FLYWCH1: variants seen among roughly 807,000 people sequenced by gnomAD.
FLYWCH1 encodes the protein FLYWCH-type zinc finger-containing protein 1.
FLYWCH1 carries 75 observed loss-of-function variants against 66.4 expected under a neutral mutation model. The ratio of observed to expected loss-of-function variants is 1.13; its 90% CI spans 0.94 to 1.37. The LOEUF (loss-of-function observed/expected upper bound fraction) is 1.37, where lower values mean the gene tolerates loss of function less well. Among genes scored for constraint, FLYWCH1 ranks in the 40% most tolerant of loss-of-function variants. The pLI is 0.00. For missense variants in FLYWCH1, 1,334 were observed against 1,001.8 expected, an observed-to-expected ratio of 1.33 and a Z score of -4.48; for synonymous variants, 595 against 429.9, an observed-to-expected ratio of 1.38 and a Z score of -4.75.
chr16:2,932,024 A>C (rs2070778062), intron 4 of FLYWCH1, among the ~76,000 whole-genome samples: 1 of 151,780 alleles, frequency 6.6e-6, no homozygotes, highest in African/African-American at 2.4e-5. Context: ...AGGCTGAGGC[A>C]GGAGAATGGC....
Position 2,944,729 on chromosome 16 carries a change from G to A in FLYWCH1, c.2112-3959G>A, listed in dbSNP as rs145204455. ...TCCCAGCTACTTGGGAGGCTGAGGC[G>A]TGAGAATCGCTTAACCTGGGAGGTG... On this transcript the variant is annotated intron_variant, in intron 9 of 9. Coordinates refer to ENST00000253928, the MANE Select transcript of FLYWCH1 (RefSeq NM_001308068.2). 7.1e-3 allele frequency among the ~76,000 whole-genome samples: 1,081 copies of A among 151,390 alleles called. 10 individuals carry two copies. Among genetic ancestry groups the A allele is most frequent in the African/African-American group, 0.024 (994 of 41,228 alleles).
At chr16:2,945,975 C>A (rs1015572328) in intron 9 of FLYWCH1, among the ~76,000 whole-genome samples, 1 of 151,652 alleles carries the variant, frequency 6.6e-6, no homozygotes, top group Non-Finnish European at 1.5e-5. Flanking sequence ...CCAGCCTGGG[C>A]AACAGAGCGA....
chr16:2,920,697 A>C (rs2070339519), intron 2 of FLYWCH1, among the ~76,000 whole-genome samples: 1 of 151,588 alleles, frequency 6.6e-6, no homozygotes, highest in African/African-American at 2.4e-5. Flanking sequence ...ATATGCCACC[A>C]TGCCTGGCTA....
At chr16:2,920,395 A>G (rs1167893429) in intron 2 of FLYWCH1, among the ~76,000 whole-genome samples, 2 of 151,960 alleles carry the variant, frequency 1.3e-5, no homozygotes, top group African/African-American at 4.8e-5. Context: ...GGTGCCTATA[A>G]TCCCAGCTAC....
intron 2 of FLYWCH1, among the ~76,000 whole-genome samples, chr16:2,914,539 A>G: frequency 6.6e-6 from 1 of 152,168 alleles, no homozygotes; most frequent in Non-Finnish European, 1.5e-5. Flanking sequence ...GTGATGCACC[A>G]TGAACTGAGA....
chr16:2,940,778 C>T (rs2071227371), intron 9 of FLYWCH1, among the ~76,000 whole-genome samples: 1 of 152,246 alleles, frequency 6.6e-6, no homozygotes, highest in African/African-American at 2.4e-5. Context: ...GGTCAAAGAA[C>T]ATACTTTGTA....
chr16:2,918,849 A>AACG (rs1355253318), intron 2 of FLYWCH1, among the ~76,000 whole-genome samples: 4 of 152,254 alleles, frequency 2.6e-5, no homozygotes, highest in South Asian at 4.1e-4. Context: ...TGAGGGCTAG[A>AACG]ACGTAGTGTC....
chr16:2,938,142 A>G, intron 7 of FLYWCH1, 42 bp from the exon 8 acceptor site: 1 of 1,591,916 alleles, frequency 6.3e-7, no homozygotes, highest in Non-Finnish European at 8.5e-7. Context: ...CCTGCCACCC[A>G]GGCCCCTGTG....
chr16:2,918,878 G>T (rs2070268775), intron 2 of FLYWCH1, among the ~76,000 whole-genome samples: 1 of 152,166 alleles, frequency 6.6e-6, no homozygotes, highest in South Asian at 2.1e-4. Context: ...GTAATATTTT[G>T]GTCTTTTTTG....
chr16:2,913,606 C>T (rs2070064677), intron 1 of FLYWCH1, among the ~76,000 whole-genome samples: 1 of 152,142 alleles, frequency 6.6e-6, no homozygotes, highest in Non-Finnish European at 1.5e-5. Context: ...AACAGGACAG[C>T]CTCCCACAGC....
chr16:2,932,059 C>A (rs1295914165), intron 4 of FLYWCH1, among the ~76,000 whole-genome samples: 3 of 142,506 alleles, frequency 2.1e-5, no homozygotes, highest in Admixed American at 7.5e-5. Flanking sequence ...CGGAGCTTGC[C>A]GTGGGCCAAG....
chr16:2,940,082 C>T lies in FLYWCH1; in HGVS notation c.2101C>T (p.Gln701Ter). The T allele has an allele frequency of 7.4e-7, 1 of 1,357,216 alleles. No individual in the cohort carries two copies. Among genetic ancestry groups the T allele is most frequent in the Non-Finnish European group, 1.1e-6 (1 of 946,846 alleles). The allele number at this position is 1,357,216 out of a possible 1,614,324, so 84.1% of individuals were successfully genotyped here. ...CFKTCSPESQ[Q>*]IYGDIKDVRL... ...CAAGACGTGTTCTCCTGAAAGCCAG[C>T]AGATTTATGGGTAATTGTATTTGTT... The change falls in exon 9 of 10, where the codon CAG becomes TAG. Residue 701 changes from glutamine to a stop codon, truncating the protein, a stop_gained. Transcript: ENST00000253928. LOFTEE classifies it low-confidence loss of function (END_TRUNC).
At chr16:2,917,910 C>T (rs936979537) in intron 2 of FLYWCH1, among the ~76,000 whole-genome samples, 1 of 150,776 alleles carries the variant, frequency 6.6e-6, no homozygotes, top group Non-Finnish European at 1.5e-5. Flanking sequence ...TCTTGGCTCA[C>T]TGTGCAACCT....
At chr16:2,923,328 A>G (rs971291403) in intron 2 of FLYWCH1, 2 of 169,008 alleles carry the variant, frequency 1.2e-5, no homozygotes, top group Admixed American at 6.0e-5. Flanking sequence ...GCTCACTGCA[A>G]CCTCTGCCTT....
chr16:2,942,463 A>G (rs2071307729), intron 9 of FLYWCH1, among the ~76,000 whole-genome samples: 4 of 152,112 alleles, frequency 2.6e-5, no homozygotes, highest in African/African-American at 9.7e-5. Context: ...TCATTCTCTA[A>G]GACCAGTATC....
chr16:2,928,342 C>G (rs1193934119), intron 2 of FLYWCH1, among the ~76,000 whole-genome samples: 12 of 152,208 alleles, frequency 7.9e-5, no homozygotes, highest in Admixed American at 7.9e-4. Context: ...TAAGGTCTTT[C>G]CTTTCCCATG....
At chr16:2,939,985 A>C (rs759800423) in intron 8 of FLYWCH1, 47 bp from the exon 9 acceptor site, 88 of 1,554,634 alleles carry the variant, frequency 5.7e-5, no homozygotes, top group Non-Finnish European at 7.3e-5. Context: ...TGTCAGCTTC[A>C]ACAAGAGAAG....
intron 8 of FLYWCH1, 138 bp downstream of exon 8, chr16:2,938,594 G>A (rs1385422150): frequency 3.6e-6 from 2 of 562,622 alleles, no homozygotes; most frequent in Admixed American, 4.2e-5. Context: ...AACAGAATGT[G>A]AAACCAGTCT....
In FLYWCH1 at chr16:2,933,738, G is replaced by A. The variant is rs199535795; in HGVS notation, c.1272G>A (p.Thr424=). Residue 424 remains threonine, a synonymous_variant, in exon 6 of 10, where the codon ACG becomes ACA. Coordinates refer to ENST00000253928, the MANE Select transcript of FLYWCH1 (RefSeq NM_001308068.2). ...CAGGAGGCCCTGAGTTCCTGAAGAC[G>A]CCCCTGGGGGGCAGCTTCCTGGTGT... The part of the protein sequence containing the change: ...ADPGGPEFLK[T]PLGGSFLVYE... 4.0e-5 allele frequency: 64 copies of A among 1,612,844 alleles called. 1 individual carries two copies. Among genetic ancestry groups the A allele is most frequent in the Middle Eastern group, 1.7e-4 (1 of 6,020 alleles).
Sources: gnomAD v4.1 joint callset for allele counts (sites outside exome capture counted in the v4.1 genomes callset) on GRCh38, gnomAD v4.1.1 for gene constraint, MANE v1.5 for transcripts, NCBI Gene and HGNC (gene_info 2026-07-23, HGNC 2026-07-21) for gene names.